NXN: variants seen among roughly 807,000 people sequenced by gnomAD.
NXN encodes nucleoredoxin 1.
NXN carries 16 observed loss-of-function variants against 48.6 expected under a neutral mutation model. The observed-to-expected ratio is 0.33, with a 90% CI of 0.22 to 0.50. NXN has a LOEUF of 0.50. Among genes scored for constraint, NXN ranks in the 20% least tolerant of loss-of-function variants. NXN has a pLI of 0.98. For missense variants in NXN, 492 were observed against 605.5 expected (o/e 0.81, Z 1.97); for synonymous variants, 281 against 269.6 (o/e 1.04, Z -0.41).
rs1439658588 is a variant in NXN, at chr17:866,855, C to A, written c.361-40777G>T. Reference sequence around the variant, plus strand: ...CAAATGATTTGAGCATGGGTCAGGGCAAGGCCAACATTCAAATACTGCAAA... The same window carrying A: ...CAAATGATTTGAGCATGGGTCAGGGAAAGGCCAACATTCAAATACTGCAAA... On this transcript the variant is annotated intron_variant, in intron 1 of 7. Coordinates refer to ENST00000336868, the MANE Select transcript of NXN (RefSeq NM_022463.5). Among the ~76,000 whole-genome samples the A allele has an allele frequency of 2.6e-5, 4 of 152,250 alleles. No homozygotes were observed. In the East Asian group the frequency reaches 5.8e-4, roughly 22 times the overall value.
intron 1 of NXN, among the ~76,000 whole-genome samples, chr17:845,767 A>T (rs2067853376): frequency 6.6e-6 from 1 of 152,256 alleles, no homozygotes; most frequent in Admixed American, 6.5e-5. Context: ...CCTCAGCAGA[A>T]AAGAAACCAG....
chr17:947,716 G>T (rs2069059537), intron 1 of NXN, among the ~76,000 whole-genome samples: 1 of 145,828 alleles, frequency 6.9e-6, no homozygotes, highest in Admixed American at 6.9e-5. Context: ...CTGGGCAACA[G>T]GGTGAGGCTC....
At chr17:835,270 T>A (rs528594018) in intron 1 of NXN, among the ~76,000 whole-genome samples, 2 of 146,804 alleles carry the variant, frequency 1.4e-5, no homozygotes, top group South Asian at 2.2e-4. Context: ...ATCGTGCCAC[T>A]GCACTCCAGC....
chr17:856,107 C>T (rs925470014), intron 1 of NXN, among the ~76,000 whole-genome samples: 5 of 152,064 alleles, frequency 3.3e-5, no homozygotes, highest in African/African-American at 4.8e-5. Flanking sequence ...GCAGGAGAAT[C>T]GCTTGAACCC....
chr17:848,267 A>G (rs921980957), intron 1 of NXN, among the ~76,000 whole-genome samples: 1 of 152,008 alleles, frequency 6.6e-6, no homozygotes, highest in Non-Finnish European at 1.5e-5. Context: ...CCTCCTGAGT[A>G]TCTGGGATTA....
chr17:974,686 CT>C (rs2069436950), intron 1 of NXN, among the ~76,000 whole-genome samples: 2 of 151,416 alleles, frequency 1.3e-5, no homozygotes, highest in South Asian at 4.2e-4. Context: ...GGACAAAAGA[CT>C]CTATATTTTT....
intron 1 of NXN, among the ~76,000 whole-genome samples, chr17:934,431 A>G (rs905101936): frequency 6.7e-6 from 1 of 150,184 alleles, no homozygotes; most frequent in African/African-American, 2.4e-5. Flanking sequence ...GGGCAACACA[A>G]CGAGACTCTG....
intron 1 of NXN, among the ~76,000 whole-genome samples, chr17:926,480 C>T (rs570654930): frequency 6.5e-4 from 98 of 149,764 alleles, no homozygotes; most frequent in African/African-American, 2.2e-3. Context: ...CCACTGTGCC[C>T]GGCTCTCCTC....
intron 1 of NXN, among the ~76,000 whole-genome samples, chr17:946,520 C>T (rs2069045661): frequency 1.3e-5 from 2 of 152,190 alleles, no homozygotes; most frequent in Non-Finnish European, 2.9e-5. Context: ...CTCAACTCTC[C>T]CTCTTGCAAG....
At chr17:819,320 G>A (rs1219060143) in intron 5 of NXN, 119 bp downstream of exon 5, 1 of 746,814 alleles carries the variant, frequency 1.3e-6, no homozygotes, top group Non-Finnish European at 2.4e-6. Context: ...AACATGAAAG[G>A]CACATGAATA....
Position 895,616 on chromosome 17 carries a change from T to G in NXN, c.361-69538A>C, listed in dbSNP as rs574625403. 4.4e-3 allele frequency among the ~76,000 whole-genome samples: 643 copies of G among 147,716 alleles called. 2 individuals carry two copies. Among genetic ancestry groups the G allele is most frequent in the African/African-American group, 0.014 (574 of 40,106 alleles). On this transcript the variant is annotated intron_variant, in intron 1 of 7. Coordinates refer to ENST00000336868, the MANE Select transcript of NXN (RefSeq NM_022463.5). ...TCACAGGGTCAGGAGATCAAGACCA[T>G]CCTGGCTAACACGGTGAAACCCCGT...
At chr17:839,181 T>G (rs1307075131) in intron 1 of NXN, among the ~76,000 whole-genome samples, 1 of 152,120 alleles carries the variant, frequency 6.6e-6, no homozygotes, top group African/African-American at 2.4e-5. Flanking sequence ...ACGCCTGGAA[T>G]CCCAGCATTT....
chr17:803,712 C>T lies in NXN; in HGVS notation c.1095G>A (p.Glu365=). 1 of 1,614,236 alleles carries T rather than the reference C, an allele frequency of 6.2e-7. No homozygotes were observed. The highest frequency in any genetic ancestry group is 2.2e-5 in the East Asian group (1 of 44,882). Residue 365 remains glutamate (E), a synonymous_variant, in exon 7 of 8, where the codon GAG becomes GAA. Transcript: ENST00000336868. ...IIAKYKAKEE[E]APLLFFVAGE... is the part of the protein sequence containing the mutation. ...CGGCTACGAAGAACAGAAGGGGTGC[C>T]TCCTCCTCTTTGGCTTTGTACTTGG...
chr17:829,235 C>A (rs184325920), intron 1 of NXN, among the ~76,000 whole-genome samples: 7 of 151,768 alleles, frequency 4.6e-5, no homozygotes, highest in Admixed American at 3.9e-4. Flanking sequence ...TGGCTCACTG[C>A]AACCTCTGCC....
intron 4 of NXN, among the ~76,000 whole-genome samples, chr17:821,781 T>A (rs375660223): frequency 6.6e-6 from 1 of 151,878 alleles, no homozygotes; most frequent in East Asian, 2.0e-4. Context: ...AAAACAGCCA[T>A]CCAAGACAGG....
chr17:810,130 G>GTGCACGTTACGAGTCCGTGTGAGTGGCA (rs1911872911), intron 5 of NXN, among the ~76,000 whole-genome samples: 2 of 134,354 alleles, frequency 1.5e-5, no homozygotes, highest in Admixed American at 1.5e-4. Context: ...TGTGAGTGGC[G>GTGCACGTTACGAGTCCGTGTGAGTGGCA]TGCACGTTAC....
intron 1 of NXN, among the ~76,000 whole-genome samples, chr17:862,557 A>C (rs1370418055): frequency 6.6e-6 from 1 of 152,224 alleles, no homozygotes. Flanking sequence ...TGAAAGAATC[A>C]TCACATATCA....
At chr17:822,535 T>C in intron 3 of NXN, 78 bp from the exon 4 acceptor site, 1 of 1,058,116 alleles carries the variant, frequency 9.5e-7, no homozygotes, top group South Asian at 1.3e-5. Flanking sequence ...AAGGCCGGGT[T>C]AGCAGGACTC....
At chr17:858,077 C>G (rs950006634) in intron 1 of NXN, among the ~76,000 whole-genome samples, 4 of 151,384 alleles carry the variant, frequency 2.6e-5, no homozygotes, top group Admixed American at 6.6e-5. Flanking sequence ...CTCAAGTGAT[C>G]CTCCCACCCC....
Sources: allele counts gnomAD v4.1 joint callset (sites outside exome capture counted in the v4.1 genomes callset), GRCh38; gene constraint gnomAD v4.1.1; transcripts MANE v1.5; gene names NCBI Gene and HGNC (gene_info 2026-07-23, HGNC 2026-07-21).